The following TMLHE variants were observed in gnomAD, a reference collection of about 807,000 sequenced individuals.
The protein encoded by TMLHE is trimethyllysine hydroxylase, epsilon, also known as trimethyllysine dioxygenase, mitochondrial.
In TMLHE, 18 loss-of-function variants were observed where a neutral mutation model predicts 25.7. The ratio of observed to expected loss-of-function variants is 0.70; its 90% CI spans 0.48 to 1.04. TMLHE has a LOEUF of 1.04. Among genes scored for constraint, TMLHE ranks in the 50% least tolerant of loss-of-function variants. The pLI, the probability that TMLHE is intolerant of heterozygous loss-of-function variation, is 0.00. For missense variants in TMLHE, 236 were observed against 259.0 expected (o/e 0.91, Z 0.61); for synonymous variants, 105 against 97.0 (o/e 1.08, Z -0.49).
intron 1 of TMLHE, among the ~76,000 whole-genome samples, chrX:155,604,649 G>T (rs1557347671): frequency 9.0e-6 from 1 of 111,175 alleles, no homozygotes; most frequent in African/African-American, 3.3e-5. Flanking sequence ...CACTCAAGTG[G>T]GAGAGGAGCC....
chrX:155,548,721 T>C lies in TMLHE; in HGVS notation c.-1-3444A>G, dbSNP rs1425003233. Among the ~76,000 whole-genome samples the C allele has an allele frequency of 1.4e-4, 14 of 101,591 alleles. No individual in the cohort carries two copies. The South Asian group carries it at 1.8e-3, about 13-fold the overall frequency. 88.2% of individuals were successfully genotyped at this position (101,591 alleles called of 115,157 possible). On this transcript the variant is annotated intron_variant, in intron 1 of 7. Transcript: ENST00000334398. ...CTGCACTCCAGCCTGGGCGACAGAG[T>C]GAGACTCTGTCTCAAAAAAAAAAAA... is the stretch of plus-strand genomic sequence containing the variant.
chrX:155,567,540 A>G (rs1398022976), intron 1 of TMLHE, among the ~76,000 whole-genome samples: 4 of 62,135 alleles, frequency 6.4e-5, no homozygotes, highest in African/African-American at 1.4e-4. Flanking sequence ...GAGTTCAATA[A>G]AGTTATTCAA....
chrX:155,573,200 G>A (rs2067567589), intron 1 of TMLHE, among the ~76,000 whole-genome samples: 1 of 58,017 alleles, frequency 1.7e-5, no homozygotes, highest in African/African-American at 4.1e-5. Flanking sequence ...CTCAAAAGAA[G>A]ACATTTATGC....
intron 5 of TMLHE, among the ~76,000 whole-genome samples, chrX:155,509,296 C>T (rs1048207371): frequency 9.0e-6 from 1 of 110,813 alleles, no homozygotes; most frequent in African/African-American, 3.3e-5. Flanking sequence ...TATTACTAGT[C>T]CCATTTTACA....
chrX:155,592,193 T>C (rs12840256), intron 1 of TMLHE, among the ~76,000 whole-genome samples: 1 of 111,608 alleles, frequency 9.0e-6, no homozygotes, highest in Non-Finnish European at 1.9e-5. Flanking sequence ...AGGGGCTGGG[T>C]GCAGGGGAGG....
intron 1 of TMLHE, among the ~76,000 whole-genome samples, chrX:155,607,136 A>G (rs1239740857): frequency 2.7e-5 from 3 of 111,875 alleles, no homozygotes; most frequent in Non-Finnish European, 3.8e-5. Flanking sequence ...TATCATGCTG[A>G]TACCAAAACC....
At chrX:155,591,184 T>C (rs782382169) in intron 1 of TMLHE, among the ~76,000 whole-genome samples, 8 of 111,020 alleles carry the variant, frequency 7.2e-5, no homozygotes, top group African/African-American at 9.8e-5. Context: ...CCATGGTACA[T>C]GAAGAAGAAA....
intron 1 of TMLHE, among the ~76,000 whole-genome samples, chrX:155,559,875 C>G (rs2067482987): frequency 8.9e-6 from 1 of 112,132 alleles, no homozygotes; most frequent in African/African-American, 3.2e-5. Context: ...CCAGATTAAT[C>G]TTCTTAAAAC....
At chrX:155,528,068 A>T (rs1004657689) in intron 2 of TMLHE, among the ~76,000 whole-genome samples, 9 of 111,077 alleles carry the variant, frequency 8.1e-5, no homozygotes, top group Non-Finnish European at 1.7e-4. Context: ...AGAAATGGGT[A>T]TTTAAACCAA....
intron 1 of TMLHE, among the ~76,000 whole-genome samples, chrX:155,581,721 T>C (rs986810724): frequency 6.3e-5 from 7 of 111,800 alleles, no homozygotes; most frequent in Admixed American, 2.8e-4. Flanking sequence ...ACAGGAAGAA[T>C]GAATATCATG....
At chrX:155,574,929 T>A (rs782537351) in intron 1 of TMLHE, among the ~76,000 whole-genome samples, 6 of 111,684 alleles carry the variant, frequency 5.4e-5, no homozygotes, top group Middle Eastern at 4.6e-3. Context: ...AGAAAAAATT[T>A]AAGAAAAATG....
chrX:155,553,437 A>G (rs1332583474), intron 1 of TMLHE, among the ~76,000 whole-genome samples: 1 of 109,074 alleles, frequency 9.2e-6, no homozygotes, highest in Non-Finnish European at 1.9e-5. Flanking sequence ...TACTTAGTAA[A>G]TATTTCTACC....
intron 3 of TMLHE, among the ~76,000 whole-genome samples, chrX:155,523,067 C>T (rs1381468053): frequency 9.0e-6 from 1 of 111,557 alleles, no homozygotes; most frequent in Non-Finnish European, 1.9e-5. Flanking sequence ...GTAGTGCAAT[C>T]TCATTGTGAT....
intron 3 of TMLHE, among the ~76,000 whole-genome samples, chrX:155,523,557 T>TAA (rs1325178097): frequency 2.7e-5 from 3 of 111,830 alleles, no homozygotes; most frequent in Non-Finnish European, 5.6e-5. Flanking sequence ...CAATACCACA[T>TAA]TGTCTTGATT....
rs781927390 is a variant in TMLHE, at chrX:155,588,950, C to T, written c.-2+23842G>A. 6.3e-5 allele frequency among the ~76,000 whole-genome samples: 7 copies of T among 111,589 alleles called. 1 individual carries two copies. Among genetic ancestry groups the T allele is most frequent in the Admixed American group, 5.7e-4 (6 of 10,531 alleles). On this transcript the variant is annotated intron_variant, in intron 1 of 7. Coordinates refer to ENST00000334398, the MANE Select transcript of TMLHE (RefSeq NM_018196.4). ...TTCAAAAAACTAAAAATAGAATTAC[C>T]ATATGATCTAGCAATCCTATAATAG...
chrX:155,548,145 C>G (rs782078665), intron 1 of TMLHE, among the ~76,000 whole-genome samples: 38 of 111,879 alleles, frequency 3.4e-4, no homozygotes, highest in Non-Finnish European at 6.6e-4. Flanking sequence ...GAAACTACTA[C>G]AAGAAAACAT....
intron 1 of TMLHE, among the ~76,000 whole-genome samples, chrX:155,551,498 G>A (rs1187932868): frequency 9.2e-6 from 1 of 108,538 alleles, no homozygotes; most frequent in African/African-American, 3.4e-5. Flanking sequence ...CCCACCAACA[G>A]TGTAAAAGCG....
At chrX:155,515,166 A>C (rs1401032876) in intron 3 of TMLHE, among the ~76,000 whole-genome samples, 1 of 111,049 alleles carries the variant, frequency 9.0e-6, no homozygotes, top group Non-Finnish European at 1.9e-5. Flanking sequence ...CATTCCTTCC[A>C]GTTTTTCTGT....
rs782605018 is a variant in TMLHE at position 155,571,295 on chromosome X, A to C, written c.-1-26018T>G. Among the ~76,000 whole-genome samples the C allele has an allele frequency of 2.9e-4, 16 of 55,979 alleles. 5 individuals carry two copies. In the South Asian group the frequency reaches 0.017, roughly 59 times the overall value. 48.6% of individuals were successfully genotyped at this position (55,979 alleles called of 115,157 possible). On this transcript the variant is annotated intron_variant, in intron 1 of 7. Coordinates refer to ENST00000334398, the MANE Select transcript of TMLHE (RefSeq NM_018196.4). ...CAAAACTAAACCAGGAAGAAGTTGA[A>C]TCTCTGAATAGACCAATAACAGGCT...
Sources: gnomAD v4.1 joint callset for allele counts (sites outside exome capture counted in the v4.1 genomes callset) on GRCh38, gnomAD v4.1.1 for gene constraint, MANE v1.5 for transcripts, NCBI Gene and HGNC (gene_info 2026-07-23, HGNC 2026-07-21) for gene names.